PDIA5: variants seen among roughly 807,000 people sequenced by gnomAD.
PDIA5 encodes the protein protein disulfide isomerase family A member 5.
In PDIA5, 58 loss-of-function variants were observed where a neutral mutation model predicts 77.6. The ratio of observed to expected loss-of-function variants is 0.75; its 90% CI spans 0.61 to 0.93. The LOEUF is 0.93. PDIA5 is among the 40% of genes least tolerant of loss of function. The pLI, the probability that PDIA5 is intolerant of heterozygous loss-of-function variation, is 0.00. For synonymous variants in PDIA5, 250 were observed against 252.1 expected, an observed-to-expected ratio of 0.99 and a Z score of 0.08; for missense variants, 630 against 647.7, an observed-to-expected ratio of 0.97 and a Z score of 0.30.
chr3:123,137,802 C>T (rs1048640927), intron 11 of PDIA5, among the ~76,000 whole-genome samples: 1 of 152,214 alleles, frequency 6.6e-6, no homozygotes, highest in African/African-American at 2.4e-5. Flanking sequence ...CTGCCTTCTC[C>T]CATCCTGACC....
At chr3:123,132,929 G>A (rs1935403948) in intron 11 of PDIA5, among the ~76,000 whole-genome samples, 1 of 152,188 alleles carries the variant, frequency 6.6e-6, no homozygotes. Context: ...TTTCTGCTGG[G>A]CTGGCAGAGT....
chr3:123,141,754 C>A (rs1346074120), intron 11 of PDIA5, among the ~76,000 whole-genome samples: 1 of 152,080 alleles, frequency 6.6e-6, no homozygotes, highest in Non-Finnish European at 1.5e-5. Flanking sequence ...TAGTGAGAAG[C>A]AAAAAAATAA....
intron 7 of PDIA5, 33 bp downstream of exon 7, chr3:123,111,037 G>A (rs756953788): frequency 7.5e-5 from 110 of 1,458,462 alleles, no homozygotes; most frequent in Non-Finnish European, 1.0e-4. Flanking sequence ...GCCAGAGCTA[G>A]TTGTTTAGTC....
At chr3:123,151,874 C>CTCCT (rs1560562117) in intron 14 of PDIA5, among the ~76,000 whole-genome samples, 2 of 101,138 alleles carry the variant, frequency 2.0e-5, no homozygotes, top group East Asian at 2.9e-4. Flanking sequence ...CCTTCCTGCC[C>CTCCT]GCCTTCCTGC....
intron 10 of PDIA5, among the ~76,000 whole-genome samples, chr3:123,125,408 C>T (rs1006794317): frequency 1.3e-5 from 2 of 152,072 alleles, no homozygotes; most frequent in Non-Finnish European, 2.9e-5. Context: ...GGGGTGGTGC[C>T]GGTAAGCAGT....
Position 123,124,323 on chromosome 3 carries a change from C to A in PDIA5, c.753C>A (p.Asp251Glu), listed in dbSNP as rs1176195286. Reference protein sequence around the residue: ...QYDNYGSTAEDIVEWLKNPQP... With the variant: ...QYDNYGSTAEEIVEWLKNPQP... Reference sequence around the variant, plus strand: ...ACAACTATGGGTCCACAGCTGAGGACATTGTGGAGTGGCTGAAGAAGTAAG... The same window carrying A: ...ACAACTATGGGTCCACAGCTGAGGAAATTGTGGAGTGGCTGAAGAAGTAAG... Residue 251 changes from aspartate to glutamate, a missense_variant, in exon 10 of 17, where the codon GAC becomes GAA. By Grantham distance (45) the Asp-to-Glu change is conservative. Transcript: ENST00000316218. 6.2e-7 allele frequency: 1 copy of A among 1,613,238 alleles called. No homozygotes were observed. The highest frequency in any genetic ancestry group is 8.5e-7 in the Non-Finnish European group (1 of 1,179,210).
chr3:123,091,590 T>C (rs1934284579), intron 2 of PDIA5, among the ~76,000 whole-genome samples: 1 of 152,132 alleles, frequency 6.6e-6, no homozygotes, highest in African/African-American at 2.4e-5. Flanking sequence ...AGTATCCGGG[T>C]GCCTTGCCCT....
chr3:123,161,804 G>T lies in PDIA5; in HGVS notation c.1480-76G>T, dbSNP rs902752595. On this transcript the variant is annotated intron_variant, in intron 16 of 16. Coordinates refer to ENST00000316218, the MANE Select transcript of PDIA5 (RefSeq NM_006810.4). ...GAGTGACCCCCTGGAGGGGCTGGGGGTGTGGGGAGAGAGAGTGCACAGCCA... is the reference window on the plus strand; with the variant it reads ...GAGTGACCCCCTGGAGGGGCTGGGGTTGTGGGGAGAGAGAGTGCACAGCCA... 1.1e-5 allele frequency: 11 copies of T among 956,736 alleles called. No homozygotes were observed. In the African/African-American group the frequency reaches 1.3e-4, roughly 11 times the overall value. 59.3% of individuals were successfully genotyped at this position (956,736 alleles called of 1,614,324 possible).
intron 7 of PDIA5, among the ~76,000 whole-genome samples, chr3:123,113,331 G>A (rs1232252201): frequency 6.6e-6 from 1 of 152,176 alleles, no homozygotes; most frequent in Non-Finnish European, 1.5e-5. Context: ...GCGCCCGTGT[G>A]CTGTGCCCTC....
chr3:123,093,458 C>G (rs1934350343), intron 3 of PDIA5, among the ~76,000 whole-genome samples: 2 of 152,164 alleles, frequency 1.3e-5, no homozygotes, highest in South Asian at 4.1e-4. Flanking sequence ...TAAATGAAGA[C>G]AAGGCACTTT....
intron 8 of PDIA5, among the ~76,000 whole-genome samples, chr3:123,118,886 C>A (rs1475533648): frequency 6.6e-6 from 1 of 152,120 alleles, no homozygotes; most frequent in Non-Finnish European, 1.5e-5. Flanking sequence ...TTATTAAGGC[C>A]GGAAGCATAG....
chr3:123,132,312 G>C (rs1935388447), intron 11 of PDIA5, among the ~76,000 whole-genome samples: 1 of 152,094 alleles, frequency 6.6e-6, no homozygotes. Context: ...GGCTAGCCTG[G>C]GAATTGCTCA....
In PDIA5 at chr3:123,067,372, C is replaced by T. The variant is rs536265934; in HGVS notation, c.42+166C>T. ...CGGGCACTGGGTGCTACGCGGGAGA[C>T]AGCGGGCGTCCCGGTGCCCTCGCCG... On this transcript the variant is annotated intron_variant, in intron 1 of 16. Coordinates refer to ENST00000316218, the MANE Select transcript of PDIA5 (RefSeq NM_006810.4). The T allele has an allele frequency of 8.2e-4, 477 of 580,866 alleles. 5 individuals are homozygous for T. In the Middle Eastern group the frequency reaches 0.013, roughly 16 times the overall value. The allele number at this position is 580,866 out of a possible 1,614,324, so 36.0% of individuals were successfully genotyped here. A position where few individuals can be genotyped will look rare whatever the true frequency, so the allele number is the denominator to read the frequency against.
At chr3:123,107,447 C>T (rs1934763638) in intron 6 of PDIA5, among the ~76,000 whole-genome samples, 1 of 152,098 alleles carries the variant, frequency 6.6e-6, no homozygotes, top group Non-Finnish European at 1.5e-5. Flanking sequence ...CCCAGCTACT[C>T]AGGAGGCCGA....
chr3:123,139,790 C>T (rs541333213), intron 11 of PDIA5, among the ~76,000 whole-genome samples: 2 of 152,146 alleles, frequency 1.3e-5, no homozygotes, highest in Non-Finnish European at 2.9e-5. Flanking sequence ...AACCTAACAA[C>T]CTAACAAGTC....
Position 123,084,865 on chromosome 3 carries a change from C to A in PDIA5, c.43-4303C>A, listed in dbSNP as rs972698035. ...CAGCAGGGCCCTCCACCTCCGGCCT[C>A]CCTGGCTGCTGCCCAGTCTGAGGTC... On this transcript the variant is annotated intron_variant, in intron 1 of 16. Transcript: ENST00000316218. 2.0e-5 allele frequency among the ~76,000 whole-genome samples: 3 copies of A among 152,344 alleles called. No individual in the cohort carries two copies. In the East Asian group the frequency reaches 5.8e-4, roughly 29 times the overall value.
intron 1 of PDIA5, among the ~76,000 whole-genome samples, chr3:123,070,176 A>G (rs961008677): frequency 4.6e-5 from 7 of 152,120 alleles, no homozygotes; most frequent in African/African-American, 1.7e-4. Context: ...CCAGAATATT[A>G]TGTTTATTAT....
intron 14 of PDIA5, among the ~76,000 whole-genome samples, chr3:123,153,501 A>G (rs1365030877): frequency 6.6e-6 from 1 of 152,206 alleles, no homozygotes; most frequent in African/African-American, 2.4e-5. Flanking sequence ...TGTAATTTCC[A>G]TTTTAGGCTA....
Position 123,152,091 on chromosome 3 carries a change from GCCTTCCTGCCTTCCTT to G in PDIA5, c.1273+1735_1273+1750del, listed in dbSNP as rs1560562835. 1.4e-3 allele frequency among the ~76,000 whole-genome samples: 34 copies of G among 23,490 alleles called. 1 individual carries two copies. The highest frequency in any genetic ancestry group is 2.5e-3 in the Admixed American group (7 of 2,856). The allele number at this position is 23,490 out of a possible 152,430, so 15.4% of individuals were successfully genotyped here. A position where few individuals can be genotyped will look rare whatever the true frequency, so the allele number is the denominator to read the frequency against. ...TGCCTTTCTTCCTGCCTTCCTTCCT[GCCTTCCTGCCTTCCTT>G]CCTTCCTTCCTTCCTTCCTGCCTTC... On this transcript the variant is annotated intron_variant, in intron 14 of 16. Coordinates refer to ENST00000316218, the MANE Select transcript of PDIA5 (RefSeq NM_006810.4).
Sources: gnomAD v4.1 joint callset for allele counts (sites outside exome capture counted in the v4.1 genomes callset) on GRCh38, gnomAD v4.1.1 for gene constraint, MANE v1.5 for transcripts, NCBI Gene and HGNC (gene_info 2026-07-23, HGNC 2026-07-21) for gene names.